Variants in LPCAT1 observed in about 807,000 individuals in gnomAD.
LPCAT1 encodes 1-acylglycerol-3-phosphate O-acyltransferase.
Under a neutral mutation model 60.9 loss-of-function variants are expected in LPCAT1, and 23 were observed. That is an observed-to-expected ratio of 0.38 (90% confidence interval 0.27 to 0.53). The LOEUF (loss-of-function observed/expected upper bound fraction) is 0.53. Among genes scored for constraint, LPCAT1 ranks in the 20% least tolerant of loss-of-function variants. The pLI, the probability that LPCAT1 is intolerant of heterozygous loss-of-function variation, is 0.82. For synonymous variants in LPCAT1, 340 were observed against 301.1 expected (o/e 1.13, Z -1.34); for missense variants, 622 against 723.6 (o/e 0.86, Z 1.61).
chr5:1,485,293 G>A (rs969091193), intron 5 of LPCAT1, among the ~76,000 whole-genome samples: 2 of 152,260 alleles, frequency 1.3e-5, no homozygotes, highest in African/African-American at 2.4e-5. Flanking sequence ...GGGAAAGTCT[G>A]CAGGGGTCTC....
chr5:1,498,674 T>C (rs1052736146), intron 2 of LPCAT1, among the ~76,000 whole-genome samples: 7 of 151,736 alleles, frequency 4.6e-5, no homozygotes, highest in Non-Finnish European at 1.5e-5. Flanking sequence ...CTCATACACA[T>C]GTACATACTG....
intron 1 of LPCAT1, among the ~76,000 whole-genome samples, chr5:1,504,107 G>A (rs191016325): frequency 6.6e-6 from 1 of 152,176 alleles, no homozygotes; most frequent in Non-Finnish European, 1.5e-5. Flanking sequence ...AACTTTTTGA[G>A]GGAAAAGCCC....
intron 2 of LPCAT1, among the ~76,000 whole-genome samples, chr5:1,497,946 G>A (rs191490717): frequency 2.1e-4 from 32 of 152,318 alleles, no homozygotes; most frequent in African/African-American, 6.5e-4. Context: ...CCAGATGGTC[G>A]GGTTTTGCAA....
chr5:1,484,183 TCAGGAGGAGCC>T (rs1639718932), intron 5 of LPCAT1, among the ~76,000 whole-genome samples: 1 of 152,188 alleles, frequency 6.6e-6, no homozygotes, highest in Admixed American at 6.5e-5. Flanking sequence ...TCCCAAGGAA[TCAGGAGGAGCC>T]CCAGCGAGGC....
chr5:1,505,062 C>G (rs531999067), intron 1 of LPCAT1, among the ~76,000 whole-genome samples: 4 of 149,852 alleles, frequency 2.7e-5, no homozygotes, highest in South Asian at 4.3e-4. Flanking sequence ...CACGCTGTTC[C>G]TGAAACAGCA....
At chr5:1,519,651 T>C (rs573029769) in intron 1 of LPCAT1, among the ~76,000 whole-genome samples, 9 of 152,340 alleles carry the variant, frequency 5.9e-5, no homozygotes, top group African/African-American at 2.2e-4. Flanking sequence ...CAGCTGGGCC[T>C]CTGTGTCCTC....
At chr5:1,474,841 C>T (rs969162612) in intron 9 of LPCAT1, among the ~76,000 whole-genome samples, 156 bp from the exon 10 acceptor site, 7 of 152,220 alleles carry the variant, frequency 4.6e-5, no homozygotes, top group Non-Finnish European at 8.8e-5. Context: ...ACACATTCAT[C>T]GATCAGCTTC....
rs1384883080 is a variant in LPCAT1, at chr5:1,463,819, A to G, written c.1437T>C (p.Phe479=). 1.9e-6 allele frequency: 3 copies of G among 1,614,030 alleles called. No individual in the cohort carries two copies. Among genetic ancestry groups the G allele is most frequent in the Non-Finnish European group, 2.5e-6 (3 of 1,179,994 alleles). ...CTGCGAAGGCAGGGTACATTTCTGC[A>G]AACCTGTGGAAGTCAGCTGGAAAGA... is the stretch of plus-strand genomic sequence containing the variant. The part of the protein sequence containing the change: ...GKITFADFHR[F]AEMYPAFAEE... The change falls in exon 14 of 14, where the codon TTT becomes TTC. Residue 479 remains phenylalanine, a synonymous_variant. Transcript: ENST00000283415.
intron 1 of LPCAT1, chr5:1,510,809 T>A (rs956181894): frequency 1.3e-5 from 2 of 152,524 alleles, no homozygotes; most frequent in Admixed American, 6.5e-5. Context: ...TGTGGGACAC[T>A]GGAACATGAC....
chr5:1,501,675 T>C (rs1979396), intron 1 of LPCAT1, 72 bp from the exon 2 acceptor site: 485,119 of 1,505,612 alleles, frequency 0.32, 86,362 homozygotes, highest in African/African-American at 0.72. Context: ...CGGCAGAGGC[T>C]AGCCCAGGGG....
In LPCAT1 at chr5:1,483,864, G is replaced by A. The variant is rs1347566586; in HGVS notation, c.668-378C>T. 7.0e-6 allele frequency among the ~76,000 whole-genome samples: 1 copy of A among 141,882 alleles called. No homozygotes were observed. The highest frequency in any genetic ancestry group is 2.8e-5 in the African/African-American group (1 of 36,220). 93.1% of individuals were successfully genotyped at this position (141,882 alleles called of 152,430 possible). A position where few individuals can be genotyped will look rare whatever the true frequency, so the allele number is the denominator to read the frequency against. Reference sequence around the variant, plus strand: ...CACCAGCTGGAAGGCGTCTGTGGAGGGACACTTGCTATTATAACATTGCGC... The same window carrying A: ...CACCAGCTGGAAGGCGTCTGTGGAGAGACACTTGCTATTATAACATTGCGC... On this transcript the variant is annotated intron_variant, in intron 5 of 13. Transcript: ENST00000283415. This position sits in a 1 kb window ranked among gnomAD's most constrained non-coding sequence, Gnocchi z 9.2.
intron 1 of LPCAT1, among the ~76,000 whole-genome samples, chr5:1,506,476 T>C (rs1736191085): frequency 6.6e-6 from 1 of 152,148 alleles, no homozygotes; most frequent in Admixed American, 6.5e-5. Flanking sequence ...GCACACCCAT[T>C]GGGATCCCTC....
Position 1,483,742 on chromosome 5 carries a change from G to A in LPCAT1, c.668-256C>T, listed in dbSNP as rs383193. 0.16 allele frequency among the ~76,000 whole-genome samples: 23,670 copies of A among 146,538 alleles called. 2,329 individuals carry two copies. The highest frequency in any genetic ancestry group is 0.25 in the Middle Eastern group (70 of 280). On this transcript the variant is annotated intron_variant, in intron 5 of 13. Coordinates refer to ENST00000283415, the MANE Select transcript of LPCAT1 (RefSeq NM_024830.5). This position sits in a 1 kb window ranked among gnomAD's most constrained non-coding sequence, Gnocchi z 9.2. The stretch of plus-strand genomic sequence containing the variant: ...CACTTTCTGTTTTAACATCGCGCAC[G>A]AGCTGGAAGGCGTCTGTGGAGGGAC...
In LPCAT1 at chr5:1,481,767, G is replaced by A. The variant is rs550498769; in HGVS notation, c.727-791C>T. On this transcript the variant is annotated intron_variant, in intron 6 of 13. Transcript: ENST00000283415. The surrounding 1 kb of genome is among the most constrained non-coding windows in gnomAD (Gnocchi z 7.8). ...GTTTCCGCAGCGGAGGCAGGAAGGG[G>A]CCCTTGGCCAGGAGCCTGGCTGACA... Among the ~76,000 whole-genome samples, 17 of 152,394 alleles carry A rather than the reference G, an allele frequency of 1.1e-4. No individual in the cohort carries two copies. Among genetic ancestry groups the A allele is most frequent in the African/African-American group, 3.6e-4 (15 of 41,598 alleles).
intron 13 of LPCAT1, among the ~76,000 whole-genome samples, chr5:1,465,429 AC>A (rs1734336665): frequency 6.6e-6 from 1 of 151,332 alleles, no homozygotes; most frequent in Non-Finnish European, 1.5e-5. Flanking sequence ...ATGCACACAC[AC>A]ACAAAACAAG....
chr5:1,523,246 A>C lies in LPCAT1; in HGVS notation c.135+464T>G, dbSNP rs1371951285. Among the ~76,000 whole-genome samples, 1 of 151,898 alleles carries C rather than the reference A, an allele frequency of 6.6e-6. No individual in the cohort carries two copies. Among genetic ancestry groups the C allele is most frequent in the Non-Finnish European group, 1.5e-5 (1 of 67,952 alleles). On this transcript the variant is annotated intron_variant, in intron 1 of 13. Coordinates refer to ENST00000283415, the MANE Select transcript of LPCAT1 (RefSeq NM_024830.5). This position sits in a 1 kb window ranked among gnomAD's most constrained non-coding sequence, Gnocchi z 7.1. ...CCGCCCGCGGGCCGCGTCCAGGCAA[A>C]GCCGCTCCGGAGTCCCCGGGCTGCG...
In LPCAT1 at chr5:1,477,648, ACCC is replaced by A. The variant is rs576413111; in HGVS notation, c.817-165_817-163del. The stretch of plus-strand genomic sequence containing the variant: ...TGCACGTGTGTGTACGCACACACAC[ACCC>A]CCATGATGCATGAACTGCACACGTG... On this transcript the variant is annotated intron_variant, in intron 8 of 13. Transcript: ENST00000283415. The surrounding 1 kb of genome is among the most constrained non-coding windows in gnomAD (Gnocchi z 6.0). Among the ~76,000 whole-genome samples, 64 of 152,224 alleles carry A rather than the reference ACCC, an allele frequency of 4.2e-4. No individual in the cohort carries two copies. The highest frequency in any genetic ancestry group is 7.2e-4 in the Non-Finnish European group (49 of 68,008).
chr5:1,479,723 A>G lies in LPCAT1; in HGVS notation c.762-48T>C, dbSNP rs1441719935. The G allele has an allele frequency of 2.1e-6, 3 of 1,436,330 alleles. No individual in the cohort carries two copies. In the South Asian group the frequency reaches 3.5e-5, roughly 17 times the overall value. 89.0% of individuals were successfully genotyped at this position (1,436,330 alleles called of 1,614,324 possible). ...TTGAGCAGATTTACAACTCGGGTTA[A>G]CAAGTAAATTACTCCCAATTCTGGG... is the stretch of plus-strand genomic sequence containing the variant. On this transcript the variant is annotated intron_variant, in intron 7 of 13. Coordinates refer to ENST00000283415, the MANE Select transcript of LPCAT1 (RefSeq NM_024830.5).
rs575834960 is a variant in LPCAT1, at chr5:1,488,307, G to A, written c.667+84C>T. The A allele has an allele frequency of 1.2e-4, 105 of 849,352 alleles. No individual in the cohort carries two copies. In the South Asian group the frequency reaches 1.7e-3, roughly 14 times the overall value. 52.6% of individuals were successfully genotyped at this position (849,352 alleles called of 1,614,324 possible). On this transcript the variant is annotated intron_variant, in intron 5 of 13. Transcript: ENST00000283415. ...GGATAAAAACAGAAACTGTTCTTAT[G>A]TGCACAGCACATTATTAAAAAACAT...
Sources: gnomAD v4.1 joint callset for allele counts (sites outside exome capture counted in the v4.1 genomes callset) on GRCh38, gnomAD v4.1.1 for gene constraint, Gnocchi (gnomAD v3.1) non-coding constraint, MANE v1.5 for transcripts, NCBI Gene and HGNC (gene_info 2026-07-23, HGNC 2026-07-21) for gene names.